Variants in LMO1 observed in about 807,000 individuals in gnomAD.
LMO1 encodes the protein LIM domain only 1.
In LMO1, 10 loss-of-function variants were observed where a neutral mutation model predicts 18.0. The observed-to-expected ratio is 0.55, with a 90% confidence interval of 0.34 to 0.94. The LOEUF (loss-of-function observed/expected upper bound fraction) is 0.94, where lower values mean the gene tolerates loss of function less well. Among genes scored for constraint, LMO1 ranks in the 40% least tolerant of loss-of-function variants. The pLI is 0.02. For missense variants in LMO1, 183 were observed against 205.7 expected (o/e 0.89, Z 0.68); for synonymous variants, 77 against 77.9 (o/e 0.99, Z 0.06).
At chr11:8,241,795 A>C (rs552031182) in intron 1 of LMO1, among the ~76,000 whole-genome samples, 11 of 152,170 alleles carry the variant, frequency 7.2e-5, no homozygotes, top group South Asian at 2.1e-4. Flanking sequence ...TCAAAAAAAA[A>C]AAAAACAAAA....
At chr11:8,264,154 C>T (rs1204104289), upstream of LMO1, among the ~76,000 whole-genome samples, 2 of 152,044 alleles carry the variant, frequency 1.3e-5, no homozygotes, top group Non-Finnish European at 2.9e-5. Flanking sequence ...CCTTTTCCTT[C>T]CTACCAGTTC....
At chr11:8,238,504 TA>T (rs1157001592) in intron 1 of LMO1, among the ~76,000 whole-genome samples, 4 of 151,948 alleles carry the variant, frequency 2.6e-5, no homozygotes, top group Admixed American at 1.3e-4. Flanking sequence ...ACCCCGTCTC[TA>T]CTAAAAATAC....
intron 3 of LMO1, among the ~76,000 whole-genome samples, chr11:8,225,298 C>T (rs1013258164): frequency 5.5e-5 from 8 of 145,912 alleles, no homozygotes; most frequent in East Asian, 2.1e-4. Flanking sequence ...CCCATCTACT[C>T]GGGAGGCTGA....
intron 1 of LMO1, among the ~76,000 whole-genome samples, chr11:8,262,957 C>T (rs1466685562): frequency 6.6e-6 from 1 of 152,216 alleles, no homozygotes. Flanking sequence ...GTGATGGCTG[C>T]GGTGAGAGCA....
chr11:8,231,756 G>A (rs1276085343), intron 1 of LMO1, among the ~76,000 whole-genome samples: 1 of 152,046 alleles, frequency 6.6e-6, no homozygotes, highest in East Asian at 1.9e-4. Context: ...TCTCTCCAGG[G>A]CTCTGGCCTT....
At chr11:8,238,447 G>A (rs769972798) in intron 1 of LMO1, among the ~76,000 whole-genome samples, 13 of 152,236 alleles carry the variant, frequency 8.5e-5, no homozygotes, top group Admixed American at 1.3e-4. Context: ...TGAGGTAGGC[G>A]GATCATGAGG....
chr11:8,242,887 G>A (rs1846820163), intron 1 of LMO1, among the ~76,000 whole-genome samples: 1 of 152,228 alleles, frequency 6.6e-6, no homozygotes, highest in Non-Finnish European at 1.5e-5. Context: ...CAGGGGATGG[G>A]AGATTAGGGC....
intron 1 of LMO1, among the ~76,000 whole-genome samples, chr11:8,262,480 A>G (rs972511009): frequency 6.6e-6 from 1 of 151,828 alleles, no homozygotes; most frequent in Non-Finnish European, 1.5e-5. Flanking sequence ...ACTGCAGGGC[A>G]CTCCCTGCCA....
At position 8,257,605 on chromosome 11, in the gene LMO1, C is replaced by G. The variant is rs748495161; in HGVS notation, c.25+5733G>C. On this transcript the variant is annotated intron_variant, in intron 1 of 3. Coordinates refer to ENST00000335790, the MANE Select transcript of LMO1 (RefSeq NM_002315.3). ...GGCATGGCAAAAAGATGCTGATGCT[C>G]TAGGCTCCAATTCCCCATGGAACCC... 2.0e-5 allele frequency among the ~76,000 whole-genome samples: 3 copies of G among 152,258 alleles called. No individual in the cohort carries two copies. In the South Asian group the frequency reaches 6.2e-4, roughly 32 times the overall value.
chr11:8,249,949 C>T (rs1280298139), intron 1 of LMO1, among the ~76,000 whole-genome samples: 2 of 152,212 alleles, frequency 1.3e-5, no homozygotes, highest in Admixed American at 6.5e-5. Flanking sequence ...GATTTTTCAT[C>T]AAGAAAGTAA....
Position 8,260,360 on chromosome 11 carries a change from C to T in LMO1, c.25+2978G>A, listed in dbSNP as rs553345141. ...GGAAAGTTGGAGCTCAGTTCCATTT[C>T]GCTGACAGGCAGACCCAGCAGCATG... On this transcript the variant is annotated intron_variant, in intron 1 of 3. Coordinates refer to ENST00000335790, the MANE Select transcript of LMO1 (RefSeq NM_002315.3). Among the ~76,000 whole-genome samples, 5 of 152,296 alleles carry T rather than the reference C, an allele frequency of 3.3e-5. No homozygotes were observed. The South Asian group carries it at 8.3e-4, about 25-fold the overall frequency.
At chr11:8,236,050 G>A (rs1267104195) in intron 1 of LMO1, among the ~76,000 whole-genome samples, 1 of 152,242 alleles carries the variant, frequency 6.6e-6, no homozygotes, top group Non-Finnish European at 1.5e-5. Context: ...AGTATGTGTA[G>A]AAGGAAGCCA....
At chr11:8,244,031 C>T (rs1037777768) in intron 1 of LMO1, among the ~76,000 whole-genome samples, 3 of 152,226 alleles carry the variant, frequency 2.0e-5, no homozygotes, top group African/African-American at 7.2e-5. Context: ...GGCTAGCTCC[C>T]AACTTTAAGC....
At chr11:8,260,718 C>A (rs927126536) in intron 1 of LMO1, among the ~76,000 whole-genome samples, 25 of 152,146 alleles carry the variant, frequency 1.6e-4, no homozygotes, top group African/African-American at 6.0e-4. Flanking sequence ...GAGCTTTGGT[C>A]CTCGGCAGCT....
In LMO1 at chr11:8,237,859, G is replaced by A. The variant is rs535765041; in HGVS notation, c.26-7355C>T. Among the ~76,000 whole-genome samples, 674 of 152,326 alleles carry A rather than the reference G, an allele frequency of 4.4e-3. 2 individuals carry two copies. The highest frequency in any genetic ancestry group is 0.01 in the Middle Eastern group (3 of 294). The stretch of plus-strand genomic sequence containing the variant: ...GTGGGCCCTGCAGACACACAGCCTC[G>A]GCTTGAATTCTGGCTTTGGTGCTTC... On this transcript the variant is annotated intron_variant, in intron 1 of 3. Coordinates refer to ENST00000335790, the MANE Select transcript of LMO1 (RefSeq NM_002315.3).
At chr11:8,249,772 C>CT (rs1457638153) in intron 1 of LMO1, among the ~76,000 whole-genome samples, 4 of 152,198 alleles carry the variant, frequency 2.6e-5, no homozygotes, top group Non-Finnish European at 5.9e-5. Context: ...TCCTTGTCCT[C>CT]TCTCTGAGAC....
At position 8,263,452 on chromosome 11, in the gene LMO1, G is replaced by A. The variant is rs1847225379; in HGVS notation, c.-90C>T. ...GCTTTGGAGGGGCGGCCGGTCTTCGGGCAGCTAGCGGGCTCTAATTACCCG... is the reference window on the plus strand; with the variant it reads ...GCTTTGGAGGGGCGGCCGGTCTTCGAGCAGCTAGCGGGCTCTAATTACCCG... On this transcript the variant is annotated 5_prime_UTR_variant, in exon 1 of 4. Coordinates refer to ENST00000335790, the MANE Select transcript of LMO1 (RefSeq NM_002315.3). The A allele has an allele frequency of 6.4e-7, 1 of 1,558,240 alleles. No homozygotes were observed. Among genetic ancestry groups the A allele is most frequent in the African/African-American group, 1.4e-5 (1 of 72,546 alleles).
Position 8,263,527 on chromosome 11 carries a change from A to G in LMO1, c.-165T>C. The G allele has an allele frequency of 7.2e-7, 1 of 1,383,790 alleles. No homozygotes were observed. The highest frequency in any genetic ancestry group is 9.3e-7 in the Non-Finnish European group (1 of 1,070,918). The allele number at this position is 1,383,790 out of a possible 1,614,324, so 85.7% of individuals were successfully genotyped here. ...GCACTCAGCTAGAATTACATTCAGGAGTGAAGCACTTCGCAGATACAAAAG... is the reference window on the plus strand; with the variant it reads ...GCACTCAGCTAGAATTACATTCAGGGGTGAAGCACTTCGCAGATACAAAAG... On this transcript the variant is annotated 5_prime_UTR_variant, in exon 1 of 4. Coordinates refer to ENST00000335790, the MANE Select transcript of LMO1 (RefSeq NM_002315.3).
intron 1 of LMO1, among the ~76,000 whole-genome samples, chr11:8,238,877 A>G (rs1020871510): frequency 3.3e-5 from 5 of 152,266 alleles, no homozygotes; most frequent in African/African-American, 1.2e-4. Context: ...GTGATACCCA[A>G]TTTAAAAACG....
Sources: gnomAD v4.1 joint callset for allele counts (sites outside exome capture counted in the v4.1 genomes callset) on GRCh38, gnomAD v4.1.1 for gene constraint, MANE v1.5 for transcripts, NCBI Gene and HGNC (gene_info 2026-07-23, HGNC 2026-07-21) for gene names.